The following RNF180 variants were observed in gnomAD, a reference collection of about 807,000 sequenced individuals.
RNF180 encodes the protein ring finger protein 180.
RNF180 carries 38 observed loss-of-function variants against 59.2 expected under a neutral mutation model. That is an observed-to-expected ratio of 0.64 (90% CI 0.50 to 0.84). The LOEUF (loss-of-function observed/expected upper bound fraction) is 0.84. RNF180 is among the 40% of genes least tolerant of loss of function. RNF180 has a pLI of 0.00. For synonymous variants in RNF180, 262 were observed against 240.3 expected, an observed-to-expected ratio of 1.09 and a Z score of -0.84; for missense variants, 705 against 700.9, an observed-to-expected ratio of 1.01 and a Z score of -0.07.
chr5:64,271,275 C>G (rs969734784), intron 5 of RNF180, among the ~76,000 whole-genome samples: 19 of 151,856 alleles, frequency 1.3e-4, no homozygotes, highest in African/African-American at 4.4e-4. Flanking sequence ...TAAACTGAAC[C>G]CTCTTTAATG....
chr5:64,334,927 G>A (rs1745058051), intron 7 of RNF180, among the ~76,000 whole-genome samples: 1 of 152,154 alleles, frequency 6.6e-6, no homozygotes, highest in South Asian at 2.1e-4. Flanking sequence ...AACTGGCTGG[G>A]TCATAGGAAA....
chr5:64,305,586 T>C (rs1743401155), intron 5 of RNF180, among the ~76,000 whole-genome samples: 1 of 151,176 alleles, frequency 6.6e-6, no homozygotes, highest in Non-Finnish European at 1.5e-5. Context: ...TATTTATATC[T>C]TTCAACCTCT....
intron 1 of RNF180, among the ~76,000 whole-genome samples, chr5:64,183,769 G>A (rs539674150): frequency 6.6e-6 from 1 of 152,182 alleles, no homozygotes; most frequent in African/African-American, 2.4e-5. Context: ...ATTTTTTGAT[G>A]GATAGTTTCA....
intron 5 of RNF180, among the ~76,000 whole-genome samples, chr5:64,258,125 G>A (rs931468401): frequency 2.0e-5 from 3 of 152,182 alleles, no homozygotes; most frequent in African/African-American, 7.2e-5. Context: ...GTGAGGCTGA[G>A]AAGAGAGAAA....
chr5:64,295,429 G>A (rs1742833548), intron 5 of RNF180, among the ~76,000 whole-genome samples: 1 of 152,226 alleles, frequency 6.6e-6, no homozygotes. Context: ...ACCATGAGGA[G>A]ATGGGCCTCA....
intron 6 of RNF180, among the ~76,000 whole-genome samples, chr5:64,328,456 G>GA (rs1428961349): frequency 2.0e-5 from 3 of 152,182 alleles, no homozygotes; most frequent in African/African-American, 7.2e-5. Flanking sequence ...CATTGCTGCA[G>GA]AAACCCTTGA....
chr5:64,212,832 A>C (rs1752381095), intron 3 of RNF180, among the ~76,000 whole-genome samples: 1 of 152,196 alleles, frequency 6.6e-6, no homozygotes, highest in Admixed American at 6.5e-5. Context: ...ATATAATTAC[A>C]TTTCTCCACT....
chr5:64,312,272 A>G (rs1055951795), intron 5 of RNF180, among the ~76,000 whole-genome samples: 1 of 152,108 alleles, frequency 6.6e-6, no homozygotes, highest in Non-Finnish European at 1.5e-5. Context: ...CTCAACTTAA[A>G]TAGCACATCC....
chr5:64,294,467 T>G (rs1048275249), intron 5 of RNF180, among the ~76,000 whole-genome samples: 3 of 152,214 alleles, frequency 2.0e-5, no homozygotes, highest in Non-Finnish European at 4.4e-5. Flanking sequence ...TTTAATCTAT[T>G]TAAACTTTAA....
At chr5:64,348,316 C>G (rs960300528) in intron 7 of RNF180, among the ~76,000 whole-genome samples, 3 of 151,976 alleles carry the variant, frequency 2.0e-5, no homozygotes, top group Admixed American at 6.6e-5. Context: ...TTTCTAAAAA[C>G]ATTTCAAAGA....
chr5:64,170,262 A>G (rs1034567469), intron 1 of RNF180, among the ~76,000 whole-genome samples: 5 of 152,240 alleles, frequency 3.3e-5, no homozygotes, highest in East Asian at 3.8e-4. Flanking sequence ...TCAGTTTGAA[A>G]TAAACTCTAT....
In RNF180 at chr5:64,338,517, CCCAGCTA is replaced by C. The variant is rs1745225923; in HGVS notation, c.1579+8113_1579+8119del. On this transcript the variant is annotated intron_variant, in intron 7 of 7. Coordinates refer to ENST00000389100, the MANE Select transcript of RNF180 (RefSeq NM_001113561.2). ...TGGCGTGGTGGCGGGTGCCTGTAGT[CCCAGCTA>C]CTCAGGAGTCTGAGGCAGGAGAATG... 4.6e-5 allele frequency among the ~76,000 whole-genome samples: 7 copies of C among 151,988 alleles called. No homozygotes were observed. In the South Asian group the frequency reaches 8.3e-4, roughly 18 times the overall value.
chr5:64,217,543 C>T (rs969463815), intron 5 of RNF180, 147 bp downstream of exon 5: 7 of 1,196,430 alleles, frequency 5.9e-6, no homozygotes, highest in Non-Finnish European at 7.4e-6. Context: ...AAATTTTAGT[C>T]ATTCAAATAC....
At chr5:64,250,293 G>C (rs1474673404) in intron 5 of RNF180, among the ~76,000 whole-genome samples, 3 of 152,058 alleles carry the variant, frequency 2.0e-5, no homozygotes, top group Non-Finnish European at 4.4e-5. Flanking sequence ...TAAGAGGGAA[G>C]TTTGTAGCAA....
rs543011676 is a variant in RNF180 at position 64,167,745 on chromosome 5, G to T, written c.-1+1792G>T. Among the ~76,000 whole-genome samples the T allele has an allele frequency of 1.2e-4, 18 of 152,082 alleles. No homozygotes were observed. In the East Asian group the frequency reaches 3.5e-3, roughly 29 times the overall value. On this transcript the variant is annotated intron_variant, in intron 1 of 7. Transcript: ENST00000389100. ...AGATTAAAAATTTCGCTTAAATTTT[G>T]CTAACTACATAGTACAAGGGGACAG...
chr5:64,211,972 A>G, intron 2 of RNF180, 93 bp from the exon 3 acceptor site: 3 of 690,942 alleles, frequency 4.3e-6, no homozygotes, highest in Non-Finnish European at 7.4e-6. Flanking sequence ...TAGCTAAAAT[A>G]GAATTTGTAT....
intron 5 of RNF180, among the ~76,000 whole-genome samples, chr5:64,251,168 C>T (rs983051180): frequency 6.6e-6 from 1 of 152,124 alleles, no homozygotes. Flanking sequence ...AATAGCTCAA[C>T]AAATTAGGTA....
At chr5:64,223,089 G>A (rs1360884272) in intron 5 of RNF180, among the ~76,000 whole-genome samples, 2 of 152,086 alleles carry the variant, frequency 1.3e-5, no homozygotes, top group Admixed American at 1.3e-4. Context: ...GGCCTTGTGG[G>A]GCTGATATCA....
chr5:64,346,343 CTTTTTTTCTTTTCTTCTT>C, intron 7 of RNF180, among the ~76,000 whole-genome samples: 1 of 66,622 alleles, frequency 1.5e-5, no homozygotes, highest in African/African-American at 5.4e-5. Context: ...TTCTATTCTT[CTTTTTTTCTTTTCTTCTT>C]TTTTTTTTTT....
Sources: allele counts gnomAD v4.1 joint callset (sites outside exome capture counted in the v4.1 genomes callset), GRCh38; gene constraint gnomAD v4.1.1; transcripts MANE v1.5; gene names NCBI Gene and HGNC (gene_info 2026-07-23, HGNC 2026-07-21).